The following DDX60L variants were observed in gnomAD, a reference collection of about 807,000 sequenced individuals.
DDX60L encodes the protein probable ATP-dependent RNA helicase DDX60-like.
DDX60L carries 191 observed loss-of-function variants against 211.6 expected under a neutral mutation model. The observed-to-expected ratio is 0.90, with a 90% CI of 0.80 to 1.02. The LOEUF is 1.02. DDX60L is among the 50% of genes least tolerant of loss of function. The pLI, the probability that DDX60L is intolerant of heterozygous loss-of-function variation, is 0.00. For synonymous variants in DDX60L, 706 were observed against 694.1 expected, an observed-to-expected ratio of 1.02 and a Z score of -0.27; for missense variants, 2,007 against 1,984.1, an observed-to-expected ratio of 1.01 and a Z score of -0.22.
At chr4:168,401,569 T>A (rs1231428086) in intron 25 of DDX60L, among the ~76,000 whole-genome samples, 1 of 152,210 alleles carries the variant, frequency 6.6e-6, no homozygotes, top group Non-Finnish European at 1.5e-5. Flanking sequence ...TCGGAATAAA[T>A]CTCTTCAAAT....
At chr4:168,392,663 G>A (rs1200199258) in intron 28 of DDX60L, among the ~76,000 whole-genome samples, 1 of 152,100 alleles carries the variant, frequency 6.6e-6, no homozygotes, top group African/African-American at 2.4e-5. Flanking sequence ...GACCAACATG[G>A]AGAAACCCTG....
rs1742604132 is a variant in DDX60L at position 168,379,726 on chromosome 4, C to G, written c.4221G>C (p.Glu1407Asp). 1 of 1,610,914 alleles carries G rather than the reference C, an allele frequency of 6.2e-7. No individual in the cohort carries two copies. Among genetic ancestry groups the G allele is most frequent in the African/African-American group, 1.3e-5 (1 of 74,822 alleles). The change falls in exon 31 of 38, where the codon GAG (glutamate) becomes GAC (aspartate). Residue 1407 changes from glutamate to aspartate, a missense_variant and splice_region_variant. Transcript: ENST00000682922. ...FLFSLQLLIK[E>D]DYLNKKGNPK... ...ACAAAAAGCCAAAGCACGATGATAC[C>G]TCTTTGATAAGGAGCTGCAAGGAAA...
At chr4:168,373,419 C>G (rs1459766749) in intron 35 of DDX60L, among the ~76,000 whole-genome samples, 1 of 151,882 alleles carries the variant, frequency 6.6e-6, no homozygotes, top group Non-Finnish European at 1.5e-5. Flanking sequence ...TGTGGCAAAC[C>G]TCATTTAAAA....
chr4:168,426,675 C>A (rs1751503114), intron 14 of DDX60L, among the ~76,000 whole-genome samples: 2 of 152,142 alleles, frequency 1.3e-5, no homozygotes, highest in Admixed American at 1.3e-4. Flanking sequence ...CATGGAAAAA[C>A]CCATGGAGAA....
intron 27 of DDX60L, 175 bp downstream of exon 27, chr4:168,395,784 A>G: frequency 1.8e-6 from 1 of 560,186 alleles, no homozygotes; most frequent in Non-Finnish European, 3.1e-6. Flanking sequence ...AGTCACTTAT[A>G]GAACTTTAGC....
At chr4:168,358,431 T>C (rs542830538) in intron 37 of DDX60L, among the ~76,000 whole-genome samples, 155 bp from the exon 38 acceptor site, 5 of 152,214 alleles carry the variant, frequency 3.3e-5, no homozygotes, top group Non-Finnish European at 5.9e-5. Context: ...TGCACAGTTA[T>C]CTTGTAAAAT....
rs755584896 is a variant in DDX60L, at chr4:168,384,741, G to A, written c.3987C>T (p.Pro1329=). 5 of 1,613,612 alleles carry A rather than the reference G, an allele frequency of 3.1e-6. No homozygotes were observed. In the East Asian group the frequency reaches 1.1e-4, roughly 36 times the overall value. ...TGGATGCAAGGAGTCTTTTTATTTT[G>A]GGCAATGGGATATCAAAGAAATACA... ...GNVYFFDIPL[P]KIKRLLASSV... The change falls in exon 30 of 38, where the codon CCC becomes CCT. Residue 1329 remains proline (P), a synonymous_variant. Coordinates refer to ENST00000682922, the MANE Select transcript of DDX60L (RefSeq NM_001012967.3).
intron 17 of DDX60L, 48 bp downstream of exon 17, chr4:168,421,712 G>A (rs1750652938): frequency 1.2e-6 from 2 of 1,603,372 alleles, no homozygotes; most frequent in African/African-American, 1.3e-5. Context: ...TCTTTTTAAA[G>A]GGGATGTTCA....
chr4:168,439,149 G>A (rs1479487515), intron 10 of DDX60L, among the ~76,000 whole-genome samples: 1 of 152,116 alleles, frequency 6.6e-6, no homozygotes, highest in African/African-American at 2.4e-5. Flanking sequence ...GTATATGGGT[G>A]CTCAGATGAC....
intron 7 of DDX60L, among the ~76,000 whole-genome samples, chr4:168,455,783 A>C (rs1179622450): frequency 6.6e-6 from 1 of 152,186 alleles, no homozygotes; most frequent in East Asian, 1.9e-4. Context: ...CTTGCTGTAC[A>C]TTGTATTTTA....
intron 12 of DDX60L, 144 bp from the exon 13 acceptor site, chr4:168,430,782 T>G: frequency 3.4e-6 from 2 of 583,408 alleles, no homozygotes; most frequent in Non-Finnish European, 2.7e-6. Flanking sequence ...AACAAAATAA[T>G]TCCCTATATT....
In DDX60L at chr4:168,405,983, C is replaced by T. The variant is rs2149796099; in HGVS notation, c.3180G>A (p.Leu1060=). The T allele has an allele frequency of 6.3e-7, 1 of 1,591,830 alleles. No individual in the cohort carries two copies. The change falls in exon 24 of 38, where the codon TTG becomes TTA. Residue 1060 remains leucine, a synonymous_variant. Transcript: ENST00000682922. ...CTTGGCCATTTTTAATCCAATTTGT[C>T]AATTCTGCCTTTAAGTTTTCTTCAT... is the stretch of plus-strand genomic sequence containing the variant. The part of the protein sequence containing the change: ...RKYEENLKAE[L]TNWIKNGQVK...
chr4:168,420,383 G>C lies in DDX60L; in HGVS notation c.2395-3C>G. Reference sequence around the variant, plus strand: ...GCAGCCACTTGACCAACAAGGGACTGATTGACAAGAAAAAAAACCATTAGT... The same window carrying C: ...GCAGCCACTTGACCAACAAGGGACTCATTGACAAGAAAAAAAACCATTAGT... On this transcript the variant is annotated splice_region_variant and splice_polypyrimidine_tract_variant and intron_variant, in intron 17 of 37. Coordinates refer to ENST00000682922, the MANE Select transcript of DDX60L (RefSeq NM_001012967.3). 6.2e-7 allele frequency: 1 copy of C among 1,600,928 alleles called. No individual in the cohort carries two copies. The highest frequency in any genetic ancestry group is 8.5e-7 in the Non-Finnish European group (1 of 1,176,480).
intron 7 of DDX60L, among the ~76,000 whole-genome samples, chr4:168,454,767 T>TTTTTTTTTTTTTTTTTTTTTTC: frequency 6.9e-6 from 1 of 144,470 alleles, no homozygotes; most frequent in Non-Finnish European, 1.5e-5. Context: ...CCTTTTTTTT[T>TTTTTTTTTTTTTTTTTTTTTTC]TTTTTTTTTT....
chr4:168,402,183 A>G (rs1746951161), intron 25 of DDX60L, among the ~76,000 whole-genome samples: 1 of 144,294 alleles, frequency 6.9e-6, no homozygotes, highest in Non-Finnish European at 1.5e-5. Context: ...ACTGGAGTAC[A>G]GTGGTGCACT....
chr4:168,358,871 A>C (rs1738624667), intron 37 of DDX60L, among the ~76,000 whole-genome samples: 1 of 152,198 alleles, frequency 6.6e-6, no homozygotes, highest in African/African-American at 2.4e-5. Context: ...GTAAGACCAC[A>C]GAATTCCATA....
At chr4:168,446,019 G>A (rs1754730760) in intron 9 of DDX60L, among the ~76,000 whole-genome samples, 1 of 148,260 alleles carries the variant, frequency 6.7e-6, no homozygotes, top group Admixed American at 6.8e-5. Context: ...AGTGTTGGAA[G>A]TTCTGGCCAG....
intron 36 of DDX60L, among the ~76,000 whole-genome samples, chr4:168,366,229 T>A (rs1481083489): frequency 6.6e-6 from 1 of 152,098 alleles, no homozygotes; most frequent in East Asian, 1.9e-4. Context: ...AGATCTTATA[T>A]ACAGGAAACC....
At chr4:168,387,582 G>C (rs1212596867) in intron 29 of DDX60L, among the ~76,000 whole-genome samples, 3 of 152,180 alleles carry the variant, frequency 2.0e-5, no homozygotes, top group Non-Finnish European at 4.4e-5. Context: ...TGCCTCTGCA[G>C]ATCTCATATC....
Sources: gnomAD v4.1 joint callset for allele counts (sites outside exome capture counted in the v4.1 genomes callset) on GRCh38, gnomAD v4.1.1 for gene constraint, MANE v1.5 for transcripts, NCBI Gene and HGNC (gene_info 2026-07-23, HGNC 2026-07-21) for gene names.